The following DCC variants were observed in gnomAD, a reference collection of about 807,000 sequenced individuals.
The protein encoded by DCC is netrin receptor DCC.
In DCC, 58 loss-of-function variants were observed where a neutral mutation model predicts 172.5. The observed-to-expected ratio is 0.34, with a 90% CI of 0.27 to 0.42. DCC has a LOEUF of 0.42. Among genes scored for constraint, DCC ranks in the 10% least tolerant of loss-of-function variants. The probability of loss-of-function intolerance (pLI) is 1.00; values close to 1 mark genes in which losing one functional copy is unlikely to be tolerated. For missense variants in DCC, 1,740 were observed against 1,791.0 expected (o/e 0.97, Z 0.51); for synonymous variants, 709 against 644.5 (o/e 1.10, Z -1.52).
At chr18:52,665,156 C>T (rs941344231) in intron 1 of DCC, among the ~76,000 whole-genome samples, 1 of 152,170 alleles carries the variant, frequency 6.6e-6, no homozygotes. Flanking sequence ...TTTCAGTAGG[C>T]TGAAGGTGAA....
chr18:52,572,709 G>T (rs2144761468), intron 1 of DCC, among the ~76,000 whole-genome samples: 1 of 152,308 alleles, frequency 6.6e-6, no homozygotes, highest in African/African-American at 2.4e-5. Flanking sequence ...GGCAGACCAA[G>T]AATCTTGTGT....
chr18:53,238,952 C>A (rs1315013111), intron 12 of DCC, among the ~76,000 whole-genome samples: 2 of 150,626 alleles, frequency 1.3e-5, no homozygotes, highest in African/African-American at 4.9e-5. Context: ...GGACAAAAAA[C>A]CAAACATCGC....
chr18:52,854,545 A>G (rs1008089318), intron 2 of DCC, among the ~76,000 whole-genome samples: 2 of 152,224 alleles, frequency 1.3e-5, no homozygotes, highest in African/African-American at 4.8e-5. Context: ...TTTTGAAAGT[A>G]AGTATCAAAT....
At chr18:52,700,061 A>C (rs761714128) in intron 1 of DCC, among the ~76,000 whole-genome samples, 9 of 150,976 alleles carry the variant, frequency 6.0e-5, no homozygotes, top group South Asian at 2.1e-4. Context: ...AAAAAAAAAA[A>C]CACTCATTAA....
chr18:53,352,149 T>C (rs900005629), intron 15 of DCC, among the ~76,000 whole-genome samples: 5 of 152,074 alleles, frequency 3.3e-5, no homozygotes, highest in Non-Finnish European at 7.4e-5. Flanking sequence ...CAAAATTAAA[T>C]ATCTTCAATT....
chr18:52,524,890 A>ATTT (rs34077835), intron 1 of DCC, among the ~76,000 whole-genome samples: 3 of 151,520 alleles, frequency 2.0e-5, no homozygotes, highest in African/African-American at 7.3e-5. Context: ...AGGTTTTTAG[A>ATTT]TTTTTTTTTA....
chr18:52,893,304 A>C (rs578063389), intron 2 of DCC, among the ~76,000 whole-genome samples: 1 of 152,296 alleles, frequency 6.6e-6, no homozygotes, highest in African/African-American at 2.4e-5. Flanking sequence ...AGAGAATCTC[A>C]GCAGGGCCAT....
At chr18:52,746,892 T>A (rs1262341341) in intron 1 of DCC, among the ~76,000 whole-genome samples, 2 of 150,002 alleles carry the variant, frequency 1.3e-5, no homozygotes, top group East Asian at 3.9e-4. Context: ...GGTATCTGCT[T>A]ACAAACTATC....
intron 13 of DCC, among the ~76,000 whole-genome samples, chr18:53,305,996 T>C (rs999914292): frequency 6.6e-6 from 1 of 152,236 alleles, no homozygotes; most frequent in Non-Finnish European, 1.5e-5. Context: ...CAAAAGCATC[T>C]GTTATCTAAA....
At chr18:52,656,212 T>C (rs2144936547) in intron 1 of DCC, among the ~76,000 whole-genome samples, 1 of 151,676 alleles carries the variant, frequency 6.6e-6, no homozygotes, top group East Asian at 1.9e-4. Context: ...CCCAAAGTGA[T>C]GGTGTTAGGA....
intron 1 of DCC, among the ~76,000 whole-genome samples, chr18:52,650,793 C>T (rs1469700861): frequency 1.3e-5 from 2 of 152,164 alleles, no homozygotes; most frequent in African/African-American, 2.4e-5. Flanking sequence ...ACAATAAACA[C>T]ATGTGACAGT....
intron 27 of DCC, among the ~76,000 whole-genome samples, chr18:53,512,180 G>A (rs1042501217): frequency 3.4e-5 from 5 of 147,672 alleles, no homozygotes; most frequent in African/African-American, 1.2e-4. Flanking sequence ...CTAACTGGGA[G>A]GCACCCCCCA....
chr18:53,275,315 C>G (rs1490997100), intron 12 of DCC, among the ~76,000 whole-genome samples: 1 of 152,020 alleles, frequency 6.6e-6, no homozygotes, highest in African/African-American at 2.4e-5. Flanking sequence ...CAAAAATTCT[C>G]TAAGAATTTT....
intron 15 of DCC, among the ~76,000 whole-genome samples, chr18:53,367,923 A>G (rs1056481279): frequency 1.3e-5 from 2 of 152,138 alleles, no homozygotes; most frequent in African/African-American, 4.8e-5. Context: ...CCTGCTTTTA[A>G]GGTTTGAGAG....
In DCC at chr18:53,114,250, AC is replaced by A. The variant is rs61418968; in HGVS notation, c.1262-43098del. ...TAAATTGTACCCATTTTTAATGAAC[AC>A]CCCCCCCACCCCAAGTAATGTCTTA... On this transcript the variant is annotated intron_variant, in intron 7 of 28. Transcript: ENST00000442544. Among the ~76,000 whole-genome samples, 16 of 148,860 alleles carry A rather than the reference AC, an allele frequency of 1.1e-4. No individual in the cohort carries two copies. The South Asian group carries it at 1.7e-3, about 16-fold the overall frequency.
chr18:52,791,270 C>T (rs187250466), intron 2 of DCC, among the ~76,000 whole-genome samples: 3 of 152,212 alleles, frequency 2.0e-5, no homozygotes, highest in Admixed American at 2.0e-4. Context: ...TAGAAGAAAA[C>T]AAGCCACTTT....
At chr18:53,052,939 T>C (rs1304336771) in intron 5 of DCC, among the ~76,000 whole-genome samples, 1 of 152,072 alleles carries the variant, frequency 6.6e-6, no homozygotes, top group African/African-American at 2.4e-5. Flanking sequence ...GGTCAGGAGT[T>C]TGAGACCAGC....
At chr18:52,470,001 G>C (rs940880536) in intron 1 of DCC, among the ~76,000 whole-genome samples, 2 of 152,182 alleles carry the variant, frequency 1.3e-5, no homozygotes, top group African/African-American at 4.8e-5. Context: ...AGCAGAGCTT[G>C]GTCTTATGCT....
chr18:52,518,312 G>A (rs1236665619), intron 1 of DCC, among the ~76,000 whole-genome samples: 4 of 152,184 alleles, frequency 2.6e-5, no homozygotes, highest in African/African-American at 9.7e-5. Context: ...AGGGGTCAGG[G>A]TAGAGTTCCC....
Sources: gnomAD v4.1 joint callset for allele counts (sites outside exome capture counted in the v4.1 genomes callset) on GRCh38, gnomAD v4.1.1 for gene constraint, MANE v1.5 for transcripts, NCBI Gene and HGNC (gene_info 2026-07-23, HGNC 2026-07-21) for gene names.